The following TEX2 variants were observed in gnomAD, a reference collection of about 807,000 sequenced individuals.
TEX2 encodes testis-expressed protein 2.
In TEX2, 53 loss-of-function variants were observed where a neutral mutation model predicts 106.9. The ratio of observed to expected loss-of-function variants is 0.50; its 90% CI spans 0.40 to 0.62. The LOEUF is 0.62. Among genes scored for constraint, TEX2 ranks in the 20% least tolerant of loss-of-function variants. The pLI, the probability that TEX2 is intolerant of heterozygous loss-of-function variation, is 0.00. For synonymous variants in TEX2, 523 were observed against 534.8 expected (o/e 0.98, Z 0.30); for missense variants, 1,207 against 1,379.0 (o/e 0.88, Z 1.98).
At chr17:64,236,275 T>A (rs782266003) in intron 1 of TEX2, among the ~76,000 whole-genome samples, 1 of 152,186 alleles carries the variant, frequency 6.6e-6, no homozygotes, top group African/African-American at 2.4e-5. Flanking sequence ...CTAGAGATTA[T>A]TTAAAGTATA....
At chr17:64,179,363 A>T (rs1244155637) in intron 5 of TEX2, among the ~76,000 whole-genome samples, 1 of 152,246 alleles carries the variant, frequency 6.6e-6, no homozygotes, top group African/African-American at 2.4e-5. Context: ...TTGTGATAGG[A>T]CAAAAACAGA....
intron 1 of TEX2, among the ~76,000 whole-genome samples, chr17:64,245,156 G>A (rs1200654855): frequency 6.6e-6 from 1 of 151,970 alleles, no homozygotes. Flanking sequence ...TTTATAAAAG[G>A]TACCCTTACA....
intron 7 of TEX2, among the ~76,000 whole-genome samples, chr17:64,163,546 T>C (rs187644793): frequency 1.3e-5 from 2 of 152,296 alleles, no homozygotes; most frequent in Admixed American, 1.3e-4. Context: ...AAGAAGACTA[T>C]TTTAGCATTA....
rs1598113001 is a variant in TEX2 at position 64,153,215 on chromosome 17, C to A, written c.2931-61G>T. 1 of 1,199,412 alleles carries A rather than the reference C, an allele frequency of 8.3e-7. No individual in the cohort carries two copies. Among genetic ancestry groups the A allele is most frequent in the East Asian group, 2.3e-5 (1 of 42,842 alleles). The allele number at this position is 1,199,412 out of a possible 1,614,324, so 74.3% of individuals were successfully genotyped here. ...ACTTTGCTCTTTTCACAGACAAAAACCTGTGGCTCTTCGTTCCCCTTACTT... is the reference window on the plus strand; with the variant it reads ...ACTTTGCTCTTTTCACAGACAAAAAACTGTGGCTCTTCGTTCCCCTTACTT... On this transcript the variant is annotated intron_variant, in intron 9 of 11. Coordinates refer to ENST00000584379, the MANE Select transcript of TEX2 (RefSeq NM_001288732.2). The surrounding 1 kb of genome is among the most constrained non-coding windows in gnomAD (Gnocchi z 4.1).
intron 1 of TEX2, among the ~76,000 whole-genome samples, chr17:64,259,428 G>C (rs552148511): frequency 8.5e-5 from 13 of 152,272 alleles, no homozygotes; most frequent in Admixed American, 3.9e-4. Flanking sequence ...CAACAGCATG[G>C]GCTTCCAGTC....
At chr17:64,225,684 A>C (rs1297982934) in intron 1 of TEX2, among the ~76,000 whole-genome samples, 1 of 151,900 alleles carries the variant, frequency 6.6e-6, no homozygotes, top group Non-Finnish European at 1.5e-5. Context: ...TGGTCACAAA[A>C]CAACACATTT....
At chr17:64,235,212 G>T (rs2033741644) in intron 1 of TEX2, among the ~76,000 whole-genome samples, 1 of 152,102 alleles carries the variant, frequency 6.6e-6, no homozygotes, top group African/African-American at 2.4e-5. Flanking sequence ...TTTAATACAC[G>T]AGGAAAAAGA....
intron 2 of TEX2, among the ~76,000 whole-genome samples, chr17:64,206,666 C>G (rs2032845069): frequency 6.8e-6 from 1 of 146,274 alleles, no homozygotes; most frequent in Admixed American, 7.2e-5. Context: ...CAGGTTCAAG[C>G]AATTCGCCTG....
In TEX2 at chr17:64,259,525, A is replaced by G. The variant is rs557454653; in HGVS notation, c.-26+3643T>C. On this transcript the variant is annotated intron_variant, in intron 1 of 11. Coordinates refer to ENST00000584379, the MANE Select transcript of TEX2 (RefSeq NM_001288732.2). ...GGAAGACAAAGGGAGCTGTCTGTCC[A>G]TGGCTCGTTAGCTCCTGAAGTTAAT... Among the ~76,000 whole-genome samples the G allele has an allele frequency of 3.3e-5, 5 of 152,364 alleles. No individual in the cohort carries two copies. The South Asian group carries it at 1.0e-3, about 32-fold the overall frequency.
chr17:64,189,236 T>C (rs1567928654), intron 4 of TEX2, among the ~76,000 whole-genome samples: 1 of 152,190 alleles, frequency 6.6e-6, no homozygotes. Flanking sequence ...CTGTAACAAG[T>C]GTCAAAATTG....
intron 1 of TEX2, among the ~76,000 whole-genome samples, chr17:64,243,245 A>G (rs551502375): frequency 4.2e-4 from 64 of 152,300 alleles, no homozygotes; most frequent in Non-Finnish European, 8.1e-4. Flanking sequence ...TTTTAAAGAT[A>G]AAGCAATTTC....
intron 10 of TEX2, 116 bp from the exon 11 acceptor site, chr17:64,151,077 CTTCT>C: frequency 2.4e-6 from 3 of 1,231,918 alleles, no homozygotes; most frequent in Non-Finnish European, 3.4e-6. Flanking sequence ...ATGTTATTTT[CTTCT>C]GAAAATGCCC....
rs530784188 is a variant in TEX2 at position 64,219,303 on chromosome 17, C to G, written c.-25-5061G>C. 2.0e-5 allele frequency among the ~76,000 whole-genome samples: 3 copies of G among 152,002 alleles called. No homozygotes were observed. The South Asian group carries it at 6.2e-4, about 32-fold the overall frequency. ...GGTGGATCCCTTGAGGTCAGGAATTCGAGACCAGCCTGGCCAACATGGCAA... is the reference window on the plus strand; with the variant it reads ...GGTGGATCCCTTGAGGTCAGGAATTGGAGACCAGCCTGGCCAACATGGCAA... On this transcript the variant is annotated intron_variant, in intron 1 of 11. Transcript: ENST00000584379.
intron 5 of TEX2, among the ~76,000 whole-genome samples, chr17:64,186,283 T>C (rs1489016289): frequency 1.3e-5 from 1 of 79,864 alleles, no homozygotes; most frequent in Non-Finnish European, 2.7e-5. Flanking sequence ...ACAGGACCAT[T>C]TGTAGAAAAG....
Position 64,185,297 on chromosome 17 carries a change from A to C in TEX2, c.2424+2871T>G, listed in dbSNP as rs77490795. ...CAGAGCCTCACTACTGGAGGACAGGAACCATGGCCTCTCTCCCAGGCAGGC... is the reference window on the plus strand; with the variant it reads ...CAGAGCCTCACTACTGGAGGACAGGCACCATGGCCTCTCTCCCAGGCAGGC... On this transcript the variant is annotated intron_variant, in intron 5 of 11. Transcript: ENST00000584379. This position sits in a 1 kb window ranked among gnomAD's most constrained non-coding sequence, Gnocchi z 4.0. Among the ~76,000 whole-genome samples, 775 of 152,268 alleles carry C rather than the reference A, an allele frequency of 5.1e-3. 7 individuals are homozygous for C. The highest frequency in any genetic ancestry group is 0.018 in the African/African-American group (728 of 41,538).
intron 4 of TEX2, among the ~76,000 whole-genome samples, chr17:64,189,707 C>T (rs1041535323): frequency 9.9e-5 from 15 of 152,056 alleles, no homozygotes; most frequent in African/African-American, 2.9e-4. Flanking sequence ...CCAGGCTGGG[C>T]GCGGTGGCTC....
At chr17:64,155,466 G>T (rs1409264185) in intron 8 of TEX2, 1 of 152,378 alleles carries the variant, frequency 6.6e-6, no homozygotes, top group Non-Finnish European at 1.5e-5. Context: ...TTCTGGCTTA[G>T]TAACCCTCCA....
chr17:64,151,298 T>C (rs1043833007), intron 10 of TEX2, among the ~76,000 whole-genome samples: 19 of 152,138 alleles, frequency 1.2e-4, no homozygotes, highest in African/African-American at 4.3e-4. Flanking sequence ...AAAAGTAGTA[T>C]ATGTACATTA....
At chr17:64,231,529 T>G (rs781784698) in intron 1 of TEX2, among the ~76,000 whole-genome samples, 1 of 152,088 alleles carries the variant, frequency 6.6e-6, no homozygotes, top group Non-Finnish European at 1.5e-5. Flanking sequence ...GTCTCTGGGG[T>G]TCCTGTTCGC....
Sources: gnomAD v4.1 joint callset for allele counts (sites outside exome capture counted in the v4.1 genomes callset) on GRCh38, gnomAD v4.1.1 for gene constraint, Gnocchi (gnomAD v3.1) non-coding constraint, MANE v1.5 for transcripts, NCBI Gene and HGNC (gene_info 2026-07-23, HGNC 2026-07-21) for gene names.